BRWD1: variants seen among roughly 807,000 people sequenced by gnomAD.
BRWD1 encodes the protein bromodomain and WD repeat-containing protein 1.
In BRWD1, 82 loss-of-function variants were observed where a neutral mutation model predicts 251.2. The ratio of observed to expected loss-of-function variants is 0.33; its 90% CI spans 0.27 to 0.39. BRWD1 has a LOEUF of 0.39. Among genes scored for constraint, BRWD1 ranks in the 10% least tolerant of loss-of-function variants. The probability of loss-of-function intolerance (pLI) is 1.00; values close to 1 mark genes in which losing one functional copy is unlikely to be tolerated. For synonymous variants in BRWD1, 918 were observed against 902.8 expected (o/e 1.02, Z -0.30); for missense variants, 2,233 against 2,711.6 (o/e 0.82, Z 3.92).
rs1024782299 is a variant in BRWD1 at position 39,194,797 on chromosome 21, T to C, written c.*1462A>G. ...GGCTAATAAATAACATTGTCTAATA[T>C]TGATACCAGTCTGATGCTTCACCTT... On this transcript the variant is annotated 3_prime_UTR_variant, in exon 41 of 41. Coordinates refer to ENST00000342449, the MANE Select transcript of BRWD1 (RefSeq NM_033656.4). 19 of 1,534,736 alleles carry C rather than the reference T, an allele frequency of 1.2e-5. 1 individual carries two copies. In the South Asian group the frequency reaches 1.3e-4, roughly 11 times the overall value.
In BRWD1 at chr21:39,196,657, C is replaced by T. The variant is rs1568852271; in HGVS notation, c.6412G>A (p.Val2138Met). The T allele has an allele frequency of 6.2e-7, 1 of 1,613,842 alleles. No homozygotes were observed. The highest frequency in any genetic ancestry group is 8.5e-7 in the Non-Finnish European group (1 of 1,179,856). ...TTCCCAGTTGTTTCAGAGATTTTCA[C>T]ATTTTCCAATTCAGGATGCGATCTC... ...RKRSHPELEN[V>M]KISETTGNSK... The change falls in exon 41 of 41, where the codon GTG (valine) becomes ATG (methionine). Residue 2138 changes from valine (V) to methionine (M), a missense_variant. Physicochemically the swap from Val to Met is conservative, Grantham distance 21 (BLOSUM62 1). This residue lies in a region of BRWD1 where 928 missense variants were observed against 970.0 expected (regional missense o/e 0.96). Coordinates refer to ENST00000342449, the MANE Select transcript of BRWD1 (RefSeq NM_033656.4).
intron 13 of BRWD1, among the ~76,000 whole-genome samples, chr21:39,271,831 G>T (rs946600233): frequency 6.6e-6 from 1 of 151,790 alleles, no homozygotes; most frequent in Admixed American, 6.6e-5. Context: ...TTGAGGTCAG[G>T]AGTTCCAGAC....
intron 4 of BRWD1, among the ~76,000 whole-genome samples, chr21:39,309,999 T>C (rs1283142430): frequency 1.3e-5 from 2 of 152,210 alleles, no homozygotes; most frequent in African/African-American, 4.8e-5. Context: ...TTCCAACACA[T>C]TAACCAGTGA....
chr21:39,304,923 A>G (rs1299807193), intron 4 of BRWD1, among the ~76,000 whole-genome samples: 2 of 152,068 alleles, frequency 1.3e-5, no homozygotes, highest in Admixed American at 1.3e-4. Context: ...AAAAAAGGAC[A>G]AAAAGAGCAA....
chr21:39,307,948 T>G (rs1160902264), intron 4 of BRWD1, among the ~76,000 whole-genome samples: 4 of 152,172 alleles, frequency 2.6e-5, no homozygotes, highest in Admixed American at 2.6e-4. Flanking sequence ...ATCATGGTAG[T>G]GTGATTGATG....
intron 4 of BRWD1, among the ~76,000 whole-genome samples, chr21:39,302,447 G>A (rs2036149820): frequency 6.6e-6 from 1 of 152,166 alleles, no homozygotes; most frequent in African/African-American, 2.4e-5. Flanking sequence ...ACAACATCTT[G>A]AAACTTTTAT....
intron 19 of BRWD1, among the ~76,000 whole-genome samples, chr21:39,253,084 G>GT (rs1245932820): frequency 6.6e-6 from 1 of 152,146 alleles, no homozygotes; most frequent in Admixed American, 6.5e-5. Context: ...GAGGACAGGA[G>GT]TTTGAGACCA....
In BRWD1 at chr21:39,270,360, T is replaced by C. The variant is rs1330972390; in HGVS notation, c.1318A>G (p.Ile440Val). The C allele has an allele frequency of 6.2e-7, 1 of 1,613,010 alleles. No individual in the cohort carries two copies. ...TGATCATTCACAGCTGTGACAACAATGCTATCATTTTGATTCCAAGCTATC... is the reference window on the plus strand; with the variant it reads ...TGATCATTCACAGCTGTGACAACAACGCTATCATTTTGATTCCAAGCTATC... The part of the protein sequence containing the change: ...TMIAWNQNDS[I>V]VVTAVNDHVL... The change falls in exon 14 of 41, where the codon ATT becomes GTT. Residue 440 changes from isoleucine to valine, a missense_variant. This residue lies in a region of BRWD1 where 315 missense variants were observed against 421.8 expected (regional missense o/e 0.75). Coordinates refer to ENST00000342449, the MANE Select transcript of BRWD1 (RefSeq NM_033656.4).
chr21:39,193,649 G>A lies in BRWD1; in HGVS notation c.*2610C>T. ...ACCATTAAGTTGAACTTCAAGTGCA[G>A]TGGAAAGGTACAGCACTTATTTCTG... On this transcript the variant is annotated 3_prime_UTR_variant, in exon 41 of 41. Coordinates refer to ENST00000342449, the MANE Select transcript of BRWD1 (RefSeq NM_033656.4). The A allele has an allele frequency of 1.0e-6, 1 of 985,510 alleles. No individual in the cohort carries two copies. Among genetic ancestry groups the A allele is most frequent in the African/African-American group, 1.7e-5 (1 of 57,310 alleles). The allele number at this position is 985,510 out of a possible 1,614,324, so 61.0% of individuals were successfully genotyped here. A position where few individuals can be genotyped will look rare whatever the true frequency, so the allele number is the denominator to read the frequency against.
At chr21:39,265,118 T>C (rs1275858250) in intron 15 of BRWD1, 99 bp from the exon 16 acceptor site, 1 of 1,163,720 alleles carries the variant, frequency 8.6e-7, no homozygotes, top group Non-Finnish European at 1.2e-6. Context: ...ATATATCCCT[T>C]CTGAAAAAAA....
intron 29 of BRWD1, among the ~76,000 whole-genome samples, 163 bp from the exon 30 acceptor site, chr21:39,218,823 C>T (rs979210205): frequency 2.0e-5 from 3 of 152,080 alleles, no homozygotes; most frequent in South Asian, 2.1e-4. Flanking sequence ...TTGAGATTAA[C>T]AAATTGCTTA....
intron 32 of BRWD1, among the ~76,000 whole-genome samples, chr21:39,214,565 AG>A (rs2032802041): frequency 6.6e-6 from 1 of 152,154 alleles, no homozygotes; most frequent in Non-Finnish European, 1.5e-5. Context: ...GAAACATAAA[AG>A]GGTGTAAAAA....
chr21:39,294,103 AT>A (rs2035888226), intron 7 of BRWD1, 71 bp from the exon 8 acceptor site: 1 of 1,235,718 alleles, frequency 8.1e-7, no homozygotes, highest in African/African-American at 1.5e-5. Context: ...AATACCTTTT[AT>A]ATGCCATCCA....
chr21:39,302,583 C>T (rs2036154947), intron 4 of BRWD1, among the ~76,000 whole-genome samples: 1 of 151,802 alleles, frequency 6.6e-6, no homozygotes, highest in African/African-American at 2.4e-5. Flanking sequence ...ATGGTGAAAC[C>T]CCACCTCTAC....
At chr21:39,307,232 C>CT (rs1555878916) in intron 4 of BRWD1, among the ~76,000 whole-genome samples, 1 of 152,218 alleles carries the variant, frequency 6.6e-6, no homozygotes, top group Non-Finnish European at 1.5e-5. Flanking sequence ...TTTCACTACA[C>CT]TTAGAAGCGT....
chr21:39,232,867 T>C (rs190215263), intron 23 of BRWD1, among the ~76,000 whole-genome samples: 39 of 152,294 alleles, frequency 2.6e-4, no homozygotes, highest in African/African-American at 8.2e-4. Flanking sequence ...GAGTCTCCTC[T>C]TGATTTTAGG....
chr21:39,299,433 T>G (rs866728055), intron 4 of BRWD1, among the ~76,000 whole-genome samples: 1 of 152,108 alleles, frequency 6.6e-6, no homozygotes, highest in South Asian at 2.1e-4. Context: ...TGACAGCCTA[T>G]TAGGTGCCAG....
rs563427354 is a variant in BRWD1, at chr21:39,267,335, C to T, written c.1531-2316G>A. On this transcript the variant is annotated intron_variant, in intron 15 of 40. Transcript: ENST00000342449. ...CACAGGCCAGGTACAGTGGCTCAAG[C>T]CTGTAATCCCAGCACTTTGGGAGGC... is the stretch of plus-strand genomic sequence containing the variant. 9.2e-5 allele frequency among the ~76,000 whole-genome samples: 14 copies of T among 152,288 alleles called. No individual in the cohort carries two copies. In the South Asian group the frequency reaches 2.9e-3, roughly 32 times the overall value.
downstream of BRWD1, chr21:39,185,294 C>CTA (rs2031153341): frequency 4.1e-4 from 4 of 9,846 alleles, no homozygotes; most frequent in South Asian, 8.9e-3. Flanking sequence ...ACTGAAATTG[C>CTA]TAAAAAAAAA....
Sources: allele counts gnomAD v4.1 joint callset (sites outside exome capture counted in the v4.1 genomes callset), GRCh38; gene constraint gnomAD v4.1.1; regional missense constraint gnomAD v4.1.1; transcripts MANE v1.5; gene names NCBI Gene and HGNC (gene_info 2026-07-23, HGNC 2026-07-21).